The following SPAG6 variants were observed in gnomAD, a reference collection of about 807,000 sequenced individuals.
The protein encoded by SPAG6 is sperm-associated antigen 6.
SPAG6 carries 49 observed loss-of-function variants against 58.5 expected under a neutral mutation model. The ratio of observed to expected loss-of-function variants is 0.84; its 90% CI spans 0.67 to 1.06. SPAG6 has a LOEUF of 1.06. Among genes scored for constraint, SPAG6 ranks in the 50% least tolerant of loss-of-function variants. The pLI is 0.00. For synonymous variants in SPAG6, 233 were observed against 225.6 expected, an observed-to-expected ratio of 1.03 and a Z score of -0.29; for missense variants, 560 against 611.3, an observed-to-expected ratio of 0.92 and a Z score of 0.89.
chr10:22,385,670 C>T (rs1834049081), intron 4 of SPAG6, among the ~76,000 whole-genome samples: 1 of 152,174 alleles, frequency 6.6e-6, no homozygotes, highest in East Asian at 1.9e-4. Context: ...TGGACACTAA[C>T]CTGTATTTGC....
intron 2 of SPAG6, among the ~76,000 whole-genome samples, chr10:22,349,756 G>C (rs1159438252): frequency 2.6e-5 from 4 of 152,152 alleles, no homozygotes; most frequent in Admixed American, 2.6e-4. Context: ...AAATAAGTTT[G>C]CGTAACACTT....
chr10:22,391,951 T>A (rs560493672), intron 8 of SPAG6, 31 bp downstream of exon 8: 2 of 1,487,298 alleles, frequency 1.3e-6, no homozygotes, highest in South Asian at 2.4e-5. Flanking sequence ...TATGAAGATT[T>A]TGGCTCATTT....
chr10:22,416,132 T>A (rs1044183936), intron 10 of SPAG6, among the ~76,000 whole-genome samples: 2 of 152,140 alleles, frequency 1.3e-5, no homozygotes, highest in Non-Finnish European at 2.9e-5. Context: ...GAATTATACT[T>A]CCAGAAATTT....
At chr10:22,371,780 A>G (rs1160083101) in intron 4 of SPAG6, among the ~76,000 whole-genome samples, 2 of 152,206 alleles carry the variant, frequency 1.3e-5, no homozygotes, top group Non-Finnish European at 2.9e-5. Flanking sequence ...CATAGAGAGA[A>G]GCCGATGGGC....
chr10:22,411,840 CTTTTTTTTTTTT>C (rs546172800), intron 10 of SPAG6, among the ~76,000 whole-genome samples: 3 of 66,750 alleles, frequency 4.5e-5, no homozygotes, highest in African/African-American at 1.2e-4. Context: ...ACAACTGAAT[CTTTTTTTTTTTT>C]TTTTTTTTTT....
intron 9 of SPAG6, among the ~76,000 whole-genome samples, chr10:22,406,313 G>A (rs979741606): frequency 2.0e-5 from 3 of 151,872 alleles, no homozygotes; most frequent in Non-Finnish European, 4.4e-5. Flanking sequence ...CTTTGAATGC[G>A]TCCCAGAGAT....
At chr10:22,363,042 T>C (rs1204705805) in intron 2 of SPAG6, among the ~76,000 whole-genome samples, 18 of 152,180 alleles carry the variant, frequency 1.2e-4, no homozygotes, top group Admixed American at 1.2e-3. Context: ...GATGGGAATG[T>C]AAAATGGCTC....
Position 22,388,551 on chromosome 10 carries a change from T to C in SPAG6, c.852+555T>C, listed in dbSNP as rs11812296. On this transcript the variant is annotated intron_variant, in intron 6 of 10. Coordinates refer to ENST00000376624, the MANE Select transcript of SPAG6 (RefSeq NM_012443.4). ...TTACATGGTGATTTCCCGCCCTGAG[T>C]TCCTAGATGGGAAAGAAATAGAGAG... is the stretch of plus-strand genomic sequence containing the variant. Among the ~76,000 whole-genome samples the C allele has an allele frequency of 9.9e-3, 1,507 of 152,228 alleles. 25 individuals carry two copies. Among genetic ancestry groups the C allele is most frequent in the African/African-American group, 0.034 (1,394 of 41,534 alleles).
At chr10:22,403,732 C>G (rs1404199235) in intron 9 of SPAG6, among the ~76,000 whole-genome samples, 4 of 146,440 alleles carry the variant, frequency 2.7e-5, no homozygotes, top group Non-Finnish European at 4.5e-5. Context: ...AATGGTTGAA[C>G]TAGTTTACAG....
At chr10:22,362,576 T>C (rs1198890785) in intron 2 of SPAG6, among the ~76,000 whole-genome samples, 3 of 151,706 alleles carry the variant, frequency 2.0e-5, no homozygotes, top group African/African-American at 7.3e-5. Flanking sequence ...CCCCCATCTC[T>C]ACAAAAAAAT....
intron 2 of SPAG6, among the ~76,000 whole-genome samples, chr10:22,348,095 A>C (rs1424960346): frequency 6.6e-6 from 1 of 152,106 alleles, no homozygotes; most frequent in African/African-American, 2.4e-5. Context: ...GGTTCAAGCG[A>C]TTCTCCTGCC....
chr10:22,406,382 C>T (rs1834555861), intron 9 of SPAG6, among the ~76,000 whole-genome samples: 1 of 152,112 alleles, frequency 6.6e-6, no homozygotes, highest in Non-Finnish European at 1.5e-5. Context: ...TTTCTGCCTT[C>T]ATTTCGTTAT....
At chr10:22,372,465 T>C (rs1833721535) in intron 4 of SPAG6, among the ~76,000 whole-genome samples, 1 of 152,150 alleles carries the variant, frequency 6.6e-6, no homozygotes, top group African/African-American at 2.4e-5. Context: ...CCGGGCTTCC[T>C]CAGCTGATGG....
chr10:22,388,084 T>G, intron 6 of SPAG6, 88 bp downstream of exon 6: 1 of 1,035,054 alleles, frequency 9.7e-7, no homozygotes, highest in South Asian at 1.7e-5. Context: ...GGCCTAGGGG[T>G]TGTGGCACAT....
intron 2 of SPAG6, chr10:22,361,232 TCTAAA>T (rs1208812825): frequency 5.6e-6 from 1 of 176,998 alleles, no homozygotes; most frequent in African/African-American, 2.4e-5. Context: ...TGTGCTACTG[TCTAAA>T]CTAAACAATA....
At chr10:22,349,528 G>A (rs1413405405) in intron 2 of SPAG6, among the ~76,000 whole-genome samples, 1 of 152,134 alleles carries the variant, frequency 6.6e-6, no homozygotes, top group Non-Finnish European at 1.5e-5. Context: ...GGAACACCAG[G>A]CCACTTTTAG....
intron 8 of SPAG6, 84 bp downstream of exon 8, chr10:22,392,004 A>G: frequency 1.1e-6 from 1 of 899,732 alleles, no homozygotes. Context: ...CATCATGGAC[A>G]ATATTGTTTT....
intron 4 of SPAG6, among the ~76,000 whole-genome samples, chr10:22,374,902 G>A (rs1445600299): frequency 6.6e-6 from 1 of 152,188 alleles, no homozygotes; most frequent in African/African-American, 2.4e-5. Context: ...AGAAATAACA[G>A]GAGGAAGTGA....
Position 22,364,977 on chromosome 10 carries a change from C to T in SPAG6, c.246C>T (p.Cys82=), listed in dbSNP as rs150976357. The T allele has an allele frequency of 7.1e-4, 1,140 of 1,611,448 alleles. No homozygotes were observed. Among genetic ancestry groups the T allele is most frequent in the Non-Finnish European group, 9.0e-4 (1,063 of 1,178,770 alleles). Residue 82 remains cysteine (C), a synonymous_variant, in exon 3 of 11, where the codon TGC becomes TGT. Coordinates refer to ENST00000376624, the MANE Select transcript of SPAG6 (RefSeq NM_012443.4). The stretch of plus-strand genomic sequence containing the variant: ...ACCTAGCAGAAGCTGTTGTGAAGTG[C>T]GACATTCTTCCACAGCTTGTTTATT... The part of the protein sequence containing the change: ...NDDLAEAVVK[C]DILPQLVYSL...
Sources: allele counts gnomAD v4.1 joint callset (sites outside exome capture counted in the v4.1 genomes callset), GRCh38; gene constraint gnomAD v4.1.1; transcripts MANE v1.5; gene names NCBI Gene and HGNC (gene_info 2026-07-23, HGNC 2026-07-21).